PTPN4: variants seen among roughly 807,000 people sequenced by gnomAD.
PTPN4 encodes tyrosine-protein phosphatase non-receptor type 4.
PTPN4 carries 49 observed loss-of-function variants against 135.5 expected under a neutral mutation model. The observed-to-expected ratio is 0.36, with a 90% CI of 0.29 to 0.46. PTPN4 has a LOEUF of 0.46. Among genes scored for constraint, PTPN4 ranks in the 20% least tolerant of loss-of-function variants. The pLI is 1.00. For missense variants in PTPN4, 860 were observed against 1,101.0 expected, an observed-to-expected ratio of 0.78 and a Z score of 3.10; for synonymous variants, 333 against 369.9, an observed-to-expected ratio of 0.90 and a Z score of 1.14.
At chr2:119,827,798 G>A (rs1046090647) in intron 2 of PTPN4, among the ~76,000 whole-genome samples, 1 of 152,150 alleles carries the variant, frequency 6.6e-6, no homozygotes, top group Non-Finnish European at 1.5e-5. Flanking sequence ...ATATGAGATT[G>A]TGTTTTTATA....
At chr2:119,919,231 A>G (rs1226695861) in intron 11 of PTPN4, among the ~76,000 whole-genome samples, 1 of 152,206 alleles carries the variant, frequency 6.6e-6, no homozygotes, top group Non-Finnish European at 1.5e-5. Flanking sequence ...TAAGGAAATT[A>G]TTTATTTAGA....
At chr2:119,841,212 A>C (rs942737378) in intron 2 of PTPN4, among the ~76,000 whole-genome samples, 2 of 151,990 alleles carry the variant, frequency 1.3e-5, no homozygotes, top group Admixed American at 1.3e-4. Flanking sequence ...TTTTCTCATT[A>C]ATAAAACCCT....
At chr2:119,772,172 C>CT (rs1690747707) in intron 1 of PTPN4, among the ~76,000 whole-genome samples, 1 of 152,118 alleles carries the variant, frequency 6.6e-6, no homozygotes, top group Non-Finnish European at 1.5e-5. Flanking sequence ...TTACTGTTTC[C>CT]AGCCTAGCAC....
At chr2:119,965,866 C>A (rs915681987) in intron 25 of PTPN4, among the ~76,000 whole-genome samples, 1 of 152,168 alleles carries the variant, frequency 6.6e-6, no homozygotes, top group African/African-American at 2.4e-5. Flanking sequence ...TTCTTAGATG[C>A]TCCTCCTTTT....
At chr2:119,847,311 C>A (rs187587040) in intron 2 of PTPN4, among the ~76,000 whole-genome samples, 1 of 108,692 alleles carries the variant, frequency 9.2e-6, no homozygotes, top group Admixed American at 9.8e-5. Context: ...CACACACACA[C>A]ACACATATAT....
chr2:119,867,313 C>T (rs111769741), intron 3 of PTPN4, among the ~76,000 whole-genome samples: 509 of 152,038 alleles, frequency 3.3e-3, no homozygotes, highest in Non-Finnish European at 6.1e-3. Context: ...AAAGAAATTG[C>T]TAAGAAAGTA....
chr2:119,977,627 A>G lies in PTPN4; in HGVS notation c.*557A>G, dbSNP rs1679637429. 1 of 152,218 alleles carries G rather than the reference A, an allele frequency of 6.6e-6. No individual in the cohort carries two copies. The highest frequency in any genetic ancestry group is 1.5e-5 in the Non-Finnish European group (1 of 68,032). 9.4% of individuals were successfully genotyped at this position (152,218 alleles called of 1,614,324 possible). ...CTGCCTGCTGCTCAGAAGAAGAAAGATGGAATTTGCTGTTCCCAGGAAATG... is the reference window on the plus strand; with the variant it reads ...CTGCCTGCTGCTCAGAAGAAGAAAGGTGGAATTTGCTGTTCCCAGGAAATG... On this transcript the variant is annotated 3_prime_UTR_variant, in exon 27 of 27. Transcript: ENST00000263708.
chr2:119,898,875 A>G, intron 9 of PTPN4, among the ~76,000 whole-genome samples: 1 of 151,950 alleles, frequency 6.6e-6, no homozygotes, highest in East Asian at 1.9e-4. Context: ...TATTTTTTAA[A>G]CTTGTTTTTC....
At chr2:119,768,179 TG>T (rs1558719458) in intron 1 of PTPN4, among the ~76,000 whole-genome samples, 1 of 152,250 alleles carries the variant, frequency 6.6e-6, no homozygotes, top group African/African-American at 2.4e-5. Flanking sequence ...AATTTCATTT[TG>T]TTGGTCAAAT....
chr2:119,870,177 A>G (rs1039583930), intron 3 of PTPN4, among the ~76,000 whole-genome samples: 1 of 152,206 alleles, frequency 6.6e-6, no homozygotes, highest in African/African-American at 2.4e-5. Context: ...AGCTCAACAA[A>G]CATCAGTACC....
intron 2 of PTPN4, among the ~76,000 whole-genome samples, chr2:119,813,435 CAG>C (rs1208264648): frequency 1.3e-5 from 2 of 151,798 alleles, no homozygotes; most frequent in African/African-American, 4.8e-5. Context: ...TTAGTAGAGA[CAG>C]GGTTTCTTCA....
intron 2 of PTPN4, among the ~76,000 whole-genome samples, chr2:119,860,698 T>C (rs1677748455): frequency 6.6e-6 from 1 of 152,198 alleles, no homozygotes; most frequent in Non-Finnish European, 1.5e-5. Context: ...ACCATATCCA[T>C]TTTCTGTTGC....
At chr2:119,902,345 AC>A (rs2105015860) in intron 10 of PTPN4, among the ~76,000 whole-genome samples, 1 of 152,356 alleles carries the variant, frequency 6.6e-6, no homozygotes, top group South Asian at 2.1e-4. Context: ...TCAGAAGTGA[AC>A]GAGAAATAAA....
chr2:119,863,441 A>G lies in PTPN4; in HGVS notation c.246+798A>G, dbSNP rs1677789141. 2.0e-5 allele frequency among the ~76,000 whole-genome samples: 3 copies of G among 152,148 alleles called. No individual in the cohort carries two copies. The South Asian group carries it at 6.2e-4, about 31-fold the overall frequency. ...CCATTTTGAAGGGAATATTTTGTAT[A>G]CTTTTAGAAAGATTAGGAGGCTGAA... is the stretch of plus-strand genomic sequence containing the variant. On this transcript the variant is annotated intron_variant, in intron 3 of 26. Coordinates refer to ENST00000263708, the MANE Select transcript of PTPN4 (RefSeq NM_002830.4).
intron 1 of PTPN4, among the ~76,000 whole-genome samples, chr2:119,792,611 A>C (rs1186036576): frequency 6.6e-6 from 1 of 152,370 alleles, no homozygotes; most frequent in African/African-American, 2.4e-5. Context: ...AAATTACCAA[A>C]GTATGAATTT....
intron 23 of PTPN4, among the ~76,000 whole-genome samples, chr2:119,961,796 T>C (rs943409850): frequency 1.3e-5 from 2 of 152,128 alleles, no homozygotes; most frequent in Non-Finnish European, 2.9e-5. Flanking sequence ...GACCACATAG[T>C]GTATGATTGC....
intron 25 of PTPN4, 72 bp from the exon 26 acceptor site, chr2:119,967,765 T>G: frequency 7.9e-7 from 1 of 1,265,702 alleles, no homozygotes; most frequent in Non-Finnish European, 1.1e-6. Context: ...TAATTCAGTT[T>G]TATGCACAAA....
intron 18 of PTPN4, among the ~76,000 whole-genome samples, chr2:119,950,772 G>A (rs1312811103): frequency 6.6e-6 from 1 of 151,656 alleles, no homozygotes; most frequent in Non-Finnish European, 1.5e-5. Flanking sequence ...TATTTCTTTT[G>A]TCTCTTTTAC....
chr2:119,937,184 GT>G (rs1678996042), intron 15 of PTPN4, among the ~76,000 whole-genome samples: 1 of 152,142 alleles, frequency 6.6e-6, no homozygotes, highest in Admixed American at 6.5e-5. Flanking sequence ...TGTTATAGAT[GT>G]TTTTTGATTT....
Sources: gnomAD v4.1 joint callset for allele counts (sites outside exome capture counted in the v4.1 genomes callset) on GRCh38, gnomAD v4.1.1 for gene constraint, MANE v1.5 for transcripts, NCBI Gene and HGNC (gene_info 2026-07-23, HGNC 2026-07-21) for gene names.